Variants in DLG2 observed in about 807,000 individuals in gnomAD.
DLG2 encodes the protein discs large MAGUK scaffold protein 2.
A neutral mutation model predicts 132.5 loss-of-function variants in DLG2; 45 were observed. The ratio of observed to expected loss-of-function variants is 0.34; its 90% CI spans 0.27 to 0.44. The LOEUF (loss-of-function observed/expected upper bound fraction) is 0.44. DLG2 is among the 20% of genes least tolerant of loss of function. DLG2 has a pLI of 1.00. For synonymous variants in DLG2, 424 were observed against 419.6 expected (o/e 1.01, Z -0.13); for missense variants, 1,045 against 1,196.9 (o/e 0.87, Z 1.87).
At chr11:85,319,755 A>G (rs1202742643) in intron 3 of DLG2, among the ~76,000 whole-genome samples, 1 of 151,816 alleles carries the variant, frequency 6.6e-6, no homozygotes, top group African/African-American at 2.4e-5. Flanking sequence ...TCAACACAGT[A>G]TAACTTTATT....
chr11:84,476,969 A>G (rs2099123392), intron 7 of DLG2, among the ~76,000 whole-genome samples: 1 of 152,122 alleles, frequency 6.6e-6, no homozygotes, highest in Non-Finnish European at 1.5e-5. Context: ...GATTTGGGGA[A>G]ATACACTAAT....
chr11:83,535,549 G>C (rs932359038), intron 20 of DLG2, among the ~76,000 whole-genome samples: 1 of 151,854 alleles, frequency 6.6e-6, no homozygotes, highest in Non-Finnish European at 1.5e-5. Flanking sequence ...TCTTAAAATG[G>C]TTGCAAAGAA....
At chr11:84,751,580 A>T (rs985063704) in intron 6 of DLG2, among the ~76,000 whole-genome samples, 1 of 152,196 alleles carries the variant, frequency 6.6e-6, no homozygotes, top group Non-Finnish European at 1.5e-5. Flanking sequence ...GCATCCTCAG[A>T]TCACATGCTG....
chr11:84,268,916 C>G (rs1439386513), intron 7 of DLG2, among the ~76,000 whole-genome samples: 1 of 152,098 alleles, frequency 6.6e-6, no homozygotes, highest in East Asian at 1.9e-4. Context: ...ACTGCCAGTA[C>G]CTAGCCCAGG....
At chr11:84,835,660 G>C (rs1368345661) in intron 6 of DLG2, among the ~76,000 whole-genome samples, 1 of 151,658 alleles carries the variant, frequency 6.6e-6, no homozygotes, top group Non-Finnish European at 1.5e-5. Flanking sequence ...ACAGCTGGCT[G>C]TACTGGCTAT....
intron 9 of DLG2, among the ~76,000 whole-genome samples, chr11:84,149,800 CAT>C (rs2095233505): frequency 6.6e-6 from 1 of 152,044 alleles, no homozygotes; most frequent in Non-Finnish European, 1.5e-5. Context: ...AATGACATTG[CAT>C]CTCGTGATGC....
chr11:84,332,316 A>G (rs927519649), intron 7 of DLG2, among the ~76,000 whole-genome samples: 3 of 148,254 alleles, frequency 2.0e-5, no homozygotes, highest in African/African-American at 7.5e-5. Context: ...GGTTCACGCC[A>G]TTCTCCTGCC....
intron 4 of DLG2, among the ~76,000 whole-genome samples, chr11:85,266,840 C>T (rs1056798471): frequency 3.9e-5 from 6 of 152,184 alleles, no homozygotes; most frequent in Non-Finnish European, 7.3e-5. Flanking sequence ...CACAAGGAGT[C>T]ATTTTACCAC....
intron 21 of DLG2, among the ~76,000 whole-genome samples, chr11:83,484,614 A>G (rs1254521738): frequency 6.6e-6 from 1 of 152,140 alleles, no homozygotes; most frequent in African/African-American, 2.4e-5. Context: ...AAATGAGGAC[A>G]ATGATAGCAG....
At chr11:84,226,126 G>A (rs1448908397) in intron 8 of DLG2, among the ~76,000 whole-genome samples, 3 of 152,002 alleles carry the variant, frequency 2.0e-5, no homozygotes, top group African/African-American at 7.2e-5. Context: ...ATTTTCTTTG[G>A]ATAGTTTATT....
intron 7 of DLG2, among the ~76,000 whole-genome samples, chr11:84,325,070 G>T (rs1376616072): frequency 6.6e-6 from 1 of 152,106 alleles, no homozygotes; most frequent in Non-Finnish European, 1.5e-5. Flanking sequence ...AGAATGGTGA[G>T]AGTGAACATC....
intron 8 of DLG2, among the ~76,000 whole-genome samples, chr11:84,232,017 T>A: frequency 6.7e-6 from 1 of 148,278 alleles, no homozygotes; most frequent in Admixed American, 6.7e-5. Flanking sequence ...ACCACCAAGA[T>A]GGGGAAGGAA....
At chr11:83,789,519 G>C (rs1368690065) in intron 17 of DLG2, among the ~76,000 whole-genome samples, 1 of 150,226 alleles carries the variant, frequency 6.7e-6, no homozygotes, top group Non-Finnish European at 1.5e-5. Flanking sequence ...ACACCTTGCT[G>C]ACACTTCCCC....
chr11:84,768,488 A>T (rs1335736473), intron 6 of DLG2, among the ~76,000 whole-genome samples: 2 of 152,206 alleles, frequency 1.3e-5, no homozygotes, highest in Non-Finnish European at 2.9e-5. Flanking sequence ...AATATTTGAA[A>T]TAGTAATAAC....
chr11:85,224,051 T>A (rs2152620078), intron 4 of DLG2, among the ~76,000 whole-genome samples: 1 of 152,306 alleles, frequency 6.6e-6, no homozygotes, highest in South Asian at 2.1e-4. Context: ...AAAGTGGGAA[T>A]AATTTTATTA....
chr11:84,722,530 C>A (rs1387084601), intron 6 of DLG2, among the ~76,000 whole-genome samples: 1 of 152,110 alleles, frequency 6.6e-6, no homozygotes, highest in Non-Finnish European at 1.5e-5. Context: ...AGAAAATAAA[C>A]CTGATTATGT....
intron 19 of DLG2, among the ~76,000 whole-genome samples, chr11:83,561,104 G>T (rs2096602471): frequency 6.6e-6 from 1 of 152,132 alleles, no homozygotes; most frequent in Non-Finnish European, 1.5e-5. Flanking sequence ...TAAATAACCA[G>T]ATCTTGTGAT....
intron 11 of DLG2, among the ~76,000 whole-genome samples, chr11:84,056,791 C>G (rs2096508617): frequency 6.6e-6 from 1 of 152,058 alleles, no homozygotes; most frequent in Admixed American, 6.6e-5. Context: ...AATAGTTTTT[C>G]TGTAAATCAG....
At chr11:84,266,462 A>T (rs981034748) in intron 7 of DLG2, among the ~76,000 whole-genome samples, 2 of 152,220 alleles carry the variant, frequency 1.3e-5, no homozygotes, top group African/African-American at 4.8e-5. Flanking sequence ...TAGAAATTCC[A>T]TTAATAGCCT....
Sources: allele counts gnomAD v4.1 joint callset (sites outside exome capture counted in the v4.1 genomes callset), GRCh38; gene constraint gnomAD v4.1.1; transcripts MANE v1.5; gene names NCBI Gene and HGNC (gene_info 2026-07-23, HGNC 2026-07-21).